The following TPRG1L variants were observed in gnomAD, a reference collection of about 807,000 sequenced individuals.
The protein encoded by TPRG1L is tumor protein p63 regulated 1 like.
In TPRG1L, 25 loss-of-function variants were observed where a neutral mutation model predicts 29.4. The observed-to-expected ratio is 0.85, with a 90% CI of 0.62 to 1.19. The LOEUF (loss-of-function observed/expected upper bound fraction) is 1.19. TPRG1L is among the 50% of genes most tolerant of loss of function. TPRG1L has a pLI of 0.00. For synonymous variants in TPRG1L, 182 were observed against 151.1 expected (o/e 1.20, Z -1.50); for missense variants, 354 against 364.4 (o/e 0.97, Z 0.23).
At chr1:3,625,295 G>T in intron 1 of TPRG1L, 22 bp downstream of exon 1, 1 of 1,431,224 alleles carries the variant, frequency 7.0e-7, no homozygotes, top group Non-Finnish European at 9.1e-7. Context: ...GCCAGGGCCG[G>T]GGCGGGGGCC....
In TPRG1L at chr1:3,627,627, G is replaced by A. The variant is rs564149197; in HGVS notation, c.598G>A (p.Asp200Asn). ...CACAGAACACCCGATGGCTGGCGCA[G>A]ATGAGAAGACAGCATCTCTGTGTCA... ...TFTEHPMAGA[D>N]EKTASLCQLE... Residue 200 changes from aspartate (D) to asparagine (N), a missense_variant, in exon 4 of 5, where the codon GAT (aspartate) becomes AAT (asparagine). By Grantham distance (23) the Asp-to-Asn change is conservative (BLOSUM62 1). Transcript: ENST00000378344. The A allele has an allele frequency of 6.2e-7, 1 of 1,613,956 alleles. No individual in the cohort carries two copies. Among genetic ancestry groups the A allele is most frequent in the Middle Eastern group, 1.6e-4 (1 of 6,062 alleles).
In TPRG1L at chr1:3,625,027, G is replaced by C; in HGVS notation, c.-46G>C. On this transcript the variant is annotated 5_prime_UTR_variant, in exon 1 of 5. Coordinates refer to ENST00000378344, the MANE Select transcript of TPRG1L (RefSeq NM_182752.4). ...GGGTGGTGGCGGTGGCTGCGGCGACGGCGGTCGCGTCGGCGTCAGGGTCGG... is the reference window on the plus strand; with the variant it reads ...GGGTGGTGGCGGTGGCTGCGGCGACCGCGGTCGCGTCGGCGTCAGGGTCGG... 2 of 1,185,198 alleles carry C rather than the reference G, an allele frequency of 1.7e-6. No individual in the cohort carries two copies. The highest frequency in any genetic ancestry group is 2.1e-6 in the Non-Finnish European group (2 of 949,836). 73.4% of individuals were successfully genotyped at this position (1,185,198 alleles called of 1,614,324 possible).
chr1:3,625,156 CGGCGGCCCGGGCGGGG>C lies in TPRG1L; in HGVS notation c.92_107del (p.Pro31ArgfsTer100), dbSNP rs1478143226. 8 of 1,234,656 alleles carry C rather than the reference CGGCGGCCCGGGCGGGG, an allele frequency of 6.5e-6. No individual in the cohort carries two copies. Among genetic ancestry groups the C allele is most frequent in the Middle Eastern group, 6.4e-4 (2 of 3,130 alleles). 76.5% of individuals were successfully genotyped at this position (1,234,656 alleles called of 1,614,324 possible). A position where few individuals can be genotyped will look rare whatever the true frequency, so the allele number is the denominator to read the frequency against. ...CGGCCGGCGAGGAGGTGGGGGCAGG[CGGCGGCCCGGGCGGGG>C]GGCGGCCGGGGGCGGGGACGCCGCT... On this transcript the variant is annotated frameshift_variant, in exon 1 of 5. Transcript: ENST00000378344. LOFTEE classifies it high-confidence loss of function.
chr1:3,627,288 C>G (rs1227781752), intron 3 of TPRG1L, among the ~76,000 whole-genome samples: 3 of 151,938 alleles, frequency 2.0e-5, no homozygotes, highest in Non-Finnish European at 2.9e-5. Flanking sequence ...CAAGCCTGGG[C>G]AACAAGAGCA....
At position 3,628,737 on chromosome 1, in the gene TPRG1L, A is replaced by C; in HGVS notation, c.*134A>C. 1.2e-6 allele frequency: 1 copy of C among 803,018 alleles called. No individual in the cohort carries two copies. Among genetic ancestry groups the C allele is most frequent in the Non-Finnish European group, 1.9e-6 (1 of 519,098 alleles). The allele number at this position is 803,018 out of a possible 1,614,324, so 49.7% of individuals were successfully genotyped here. A position where few individuals can be genotyped will look rare whatever the true frequency, so the allele number is the denominator to read the frequency against. On this transcript the variant is annotated 3_prime_UTR_variant, in exon 5 of 5. Coordinates refer to ENST00000378344, the MANE Select transcript of TPRG1L (RefSeq NM_182752.4). Reference sequence around the variant, plus strand: ...CCCTGCTGCTGCTGGAAGGATGGGGATCTTTCACCTTTAGGGATCTCAGCA... The same window carrying C: ...CCCTGCTGCTGCTGGAAGGATGGGGCTCTTTCACCTTTAGGGATCTCAGCA...
chr1:3,627,283 C>T (rs1376507374), intron 3 of TPRG1L, among the ~76,000 whole-genome samples: 1 of 152,064 alleles, frequency 6.6e-6, no homozygotes, highest in Non-Finnish European at 1.5e-5. Flanking sequence ...ACACTCAAGC[C>T]TGGGCAACAA....
chr1:3,627,753 G>A (rs905447885), intron 4 of TPRG1L, 100 bp downstream of exon 4: 54 of 1,493,278 alleles, frequency 3.6e-5, no homozygotes, highest in Middle Eastern at 2.0e-4. Context: ...CGGCGGCCAC[G>A]CGGAGCTGCC....
Position 3,625,808 on chromosome 1 carries a change from A to C in TPRG1L, c.389A>C (p.Gln130Pro), listed in dbSNP as rs1644483453. 6.2e-7 allele frequency: 1 copy of C among 1,613,662 alleles called. No homozygotes were observed. ...CKYDFISLQC[Q>P]QVVRIALNAV... ...TACGACTTCATCAGTCTCCAGTGCC[A>C]GCAGGTGGTGCGGATAGCGCTCAAC... Residue 130 changes from glutamine (Q) to proline (P), a missense_variant, in exon 3 of 5, where the codon CAG (glutamine) becomes CCG (proline). Physicochemically the swap from Gln to Pro is moderately conservative, Grantham distance 76. Coordinates refer to ENST00000378344, the MANE Select transcript of TPRG1L (RefSeq NM_182752.4).
intron 4 of TPRG1L, 63 bp from the exon 5 acceptor site, chr1:3,628,346 T>A (rs888747518): frequency 1.4e-6 from 2 of 1,429,688 alleles, no homozygotes; most frequent in Admixed American, 4.3e-5. Flanking sequence ...GCTAATTTTT[T>A]CAAGTAATAG....
At chr1:3,626,429 G>A (rs1428523172) in intron 3 of TPRG1L, among the ~76,000 whole-genome samples, 2 of 152,166 alleles carry the variant, frequency 1.3e-5, no homozygotes, top group Non-Finnish European at 1.5e-5. Flanking sequence ...CAGTTAAGCT[G>A]TAGAACTTGG....
chr1:3,629,973 GT>G lies in TPRG1L; in HGVS notation c.*1371del, dbSNP rs1173915974. The G allele has an allele frequency of 6.6e-6, 1 of 152,282 alleles. No homozygotes were observed. Among genetic ancestry groups the G allele is most frequent in the Non-Finnish European group, 1.5e-5 (1 of 68,064 alleles). 9.4% of individuals were successfully genotyped at this position (152,282 alleles called of 1,614,324 possible). On this transcript the variant is annotated 3_prime_UTR_variant, in exon 5 of 5. Transcript: ENST00000378344. ...TAGGACTTGTAGCTTTAAGCAAACG[GT>G]GTGGCATGGGTTGAGTGTGGCCACC...
In TPRG1L at chr1:3,625,456, C is replaced by T. The variant is rs1218664143; in HGVS notation, c.234C>T (p.Ile78=). The stretch of plus-strand genomic sequence containing the variant: ...GCATCGAGCAGGCAGTGGAGGAGAT[C>T]CGCGTGGTGGTGCGGCCCGTGGAGG... ...PGSIEQAVEE[I]RVVVRPVEDG... The change falls in exon 2 of 5, where the codon ATC becomes ATT. Residue 78 remains isoleucine (I), a synonymous_variant. Transcript: ENST00000378344. 1 of 1,606,588 alleles carries T rather than the reference C, an allele frequency of 6.2e-7. No individual in the cohort carries two copies. Among genetic ancestry groups the T allele is most frequent in the Non-Finnish European group, 8.5e-7 (1 of 1,177,628 alleles).
chr1:3,630,048 CTG>C lies in TPRG1L; in HGVS notation c.*1449_*1450del, dbSNP rs1191368122. On this transcript the variant is annotated 3_prime_UTR_variant, in exon 5 of 5. Coordinates refer to ENST00000378344, the MANE Select transcript of TPRG1L (RefSeq NM_182752.4). ...AGAAGCTGGCTGGGGACTCTAGCCT[CTG>C]TGTTCATAAAGACATTAAGAAGTGG... 2.0e-5 allele frequency: 3 copies of C among 152,240 alleles called. No homozygotes were observed. Among genetic ancestry groups the C allele is most frequent in the Non-Finnish European group, 4.4e-5 (3 of 68,062 alleles). 9.4% of individuals were successfully genotyped at this position (152,240 alleles called of 1,614,324 possible). A position where few individuals can be genotyped will look rare whatever the true frequency, so the allele number is the denominator to read the frequency against.
In TPRG1L at chr1:3,628,653, C is replaced by G; in HGVS notation, c.*50C>G. Reference sequence around the variant, plus strand: ...CCCTTCTGGGAGCTCCTCCCCCTCCCCAGAAGGCCAAGGGATGTGGGGGCT... The same window carrying G: ...CCCTTCTGGGAGCTCCTCCCCCTCCGCAGAAGGCCAAGGGATGTGGGGGCT... On this transcript the variant is annotated 3_prime_UTR_variant, in exon 5 of 5. Transcript: ENST00000378344. 6.9e-7 allele frequency: 1 copy of G among 1,444,408 alleles called. No individual in the cohort carries two copies. The highest frequency in any genetic ancestry group is 9.3e-7 in the Non-Finnish European group (1 of 1,070,620). 89.5% of individuals were successfully genotyped at this position (1,444,408 alleles called of 1,614,324 possible).
In TPRG1L at chr1:3,625,865, A is replaced by G; in HGVS notation, c.446A>G (p.Gln149Arg). Residue 149 changes from glutamine to arginine, a missense_variant, in exon 3 of 5, where the codon CAG becomes CGG. Transcript: ENST00000378344. ...GACACCATTTCCTACGGAGAATTCCAGTTTCCCCCTAAATCGCTCAACAAG... is the reference window on the plus strand; with the variant it reads ...GACACCATTTCCTACGGAGAATTCCGGTTTCCCCCTAAATCGCTCAACAAG... ...AVDTISYGEF[Q>R]FPPKSLNKRE... 1 of 1,612,458 alleles carries G rather than the reference A, an allele frequency of 6.2e-7. No individual in the cohort carries two copies. Among genetic ancestry groups the G allele is most frequent in the Non-Finnish European group, 8.5e-7 (1 of 1,179,904 alleles).
At chr1:3,627,690 C>T in intron 4 of TPRG1L, 37 bp downstream of exon 4, 1 of 1,609,736 alleles carries the variant, frequency 6.2e-7, no homozygotes, top group South Asian at 1.1e-5. Flanking sequence ...GCGCCCCCCG[C>T]AGTGATGGAA....
chr1:3,628,682 G>A lies in TPRG1L; in HGVS notation c.*79G>A, dbSNP rs1644505978. The A allele has an allele frequency of 7.1e-7, 1 of 1,418,412 alleles. No homozygotes were observed. The highest frequency in any genetic ancestry group is 2.4e-5 in the East Asian group (1 of 42,148). 87.9% of individuals were successfully genotyped at this position (1,418,412 alleles called of 1,614,324 possible). A position where few individuals can be genotyped will look rare whatever the true frequency, so the allele number is the denominator to read the frequency against. ...AAGGCCAAGGGATGTGGGGGCTGGGGGACTGGGAGGCCTGGCAGTCTTCAT... is the reference window on the plus strand; with the variant it reads ...AAGGCCAAGGGATGTGGGGGCTGGGAGACTGGGAGGCCTGGCAGTCTTCAT... On this transcript the variant is annotated 3_prime_UTR_variant, in exon 5 of 5. Coordinates refer to ENST00000378344, the MANE Select transcript of TPRG1L (RefSeq NM_182752.4).
chr1:3,625,774 A>T lies in TPRG1L; in HGVS notation c.355A>T (p.Ile119Phe), dbSNP rs757872576. The T allele has an allele frequency of 4.5e-5, 72 of 1,613,602 alleles. No homozygotes were observed. The highest frequency in any genetic ancestry group is 8.3e-5 in the Admixed American group (5 of 60,014). ...GCTGGTCACGGAGCAGTCCCTGCTT[A>T]TCTGTAAATACGACTTCATCAGTCT... ...LVLVTEQSLLICKYDFISLQC... is the reference protein window; with the variant it reads ...LVLVTEQSLLFCKYDFISLQC... The change falls in exon 3 of 5, where the codon ATC (isoleucine) becomes TTC (phenylalanine). Residue 119 changes from isoleucine to phenylalanine, a missense_variant. Physicochemically the swap from Ile to Phe is conservative, Grantham distance 21. Coordinates refer to ENST00000378344, the MANE Select transcript of TPRG1L (RefSeq NM_182752.4).
Position 3,628,827 on chromosome 1 carries a change from A to G in TPRG1L, c.*224A>G. ...ATATTGGACTCTGCTCATATAAGCT[A>G]CAGACAAAAGCCAAAAGACTCTCGC... On this transcript the variant is annotated 3_prime_UTR_variant, in exon 5 of 5. Coordinates refer to ENST00000378344, the MANE Select transcript of TPRG1L (RefSeq NM_182752.4). The G allele has an allele frequency of 2.3e-6, 1 of 429,062 alleles. No homozygotes were observed. 26.6% of individuals were successfully genotyped at this position (429,062 alleles called of 1,614,324 possible).
Sources: gnomAD v4.1 joint callset for allele counts (sites outside exome capture counted in the v4.1 genomes callset) on GRCh38, gnomAD v4.1.1 for gene constraint, MANE v1.5 for transcripts, NCBI Gene and HGNC (gene_info 2026-07-23, HGNC 2026-07-21) for gene names.